RHOT2: variants seen among roughly 807,000 people sequenced by gnomAD.
RHOT2 encodes the protein ras homolog family member T2.
In RHOT2, 90 loss-of-function variants were observed where a neutral mutation model predicts 81.6. That is an observed-to-expected ratio of 1.10 (90% CI 0.93 to 1.31). The LOEUF (loss-of-function observed/expected upper bound fraction) is 1.31, where lower values mean the gene tolerates loss of function less well. Ranked by LOEUF, RHOT2 falls within the 40% of genes most tolerant of loss-of-function variation. The pLI, the probability that RHOT2 is intolerant of heterozygous loss-of-function variation, is 0.00. For missense variants in RHOT2, 1,014 were observed against 841.9 expected (o/e 1.20, Z -2.53); for synonymous variants, 512 against 370.9 (o/e 1.38, Z -4.37).
intron 11 of RHOT2, among the ~76,000 whole-genome samples, chr16:671,485 T>C (rs1488287207): frequency 6.6e-6 from 1 of 152,144 alleles, no homozygotes; most frequent in East Asian, 1.9e-4. Flanking sequence ...GCTTGGGGTG[T>C]GGCCTGTGGG....
rs762762978 is a variant in RHOT2 at position 673,141 on chromosome 16, A to G, written c.1730+11A>G. ...CATGGCCGCCTTCCCGTGGGTACCC[A>G]GTAGCGCAGCCCTGGGGACTAGCAG... On this transcript the variant is annotated intron_variant, in intron 18 of 18. Transcript: ENST00000315082. The G allele has an allele frequency of 8.7e-6, 14 of 1,609,378 alleles. No individual in the cohort carries two copies. In the African/African-American group the frequency reaches 1.3e-4, roughly 15 times the overall value.
intron 18 of RHOT2, 45 bp downstream of exon 18, chr16:673,175 A>G: frequency 6.3e-7 from 1 of 1,585,132 alleles, no homozygotes. Flanking sequence ...AGTGTCTGTC[A>G]TCCGAGCAGT....
At chr16:668,444 G>A in intron 2 of RHOT2, 33 bp downstream of exon 2, 1 of 1,568,078 alleles carries the variant, frequency 6.4e-7, no homozygotes, top group Non-Finnish European at 8.6e-7. Context: ...GGGTGGGAGC[G>A]GGCCCAGCCG....
At position 670,767 on chromosome 16, in the gene RHOT2, T is replaced by G; in HGVS notation, c.633T>G (p.Ala211=). The G allele has an allele frequency of 6.2e-7, 1 of 1,611,970 alleles. No individual in the cohort carries two copies. Among genetic ancestry groups the G allele is most frequent in the Non-Finnish European group, 8.5e-7 (1 of 1,179,826 alleles). ...DQALSDEELN[A]FQKSCFGHPL... ...CGCTCAGTGACGAAGAGCTCAACGCTTTCCAGGTGTGCCCCTGCCCCACCC... is the reference window on the plus strand; with the variant it reads ...CGCTCAGTGACGAAGAGCTCAACGCGTTCCAGGTGTGCCCCTGCCCCACCC... The change falls in exon 9 of 19, where the codon GCT becomes GCG. Residue 211 remains alanine (A), a synonymous_variant. Coordinates refer to ENST00000315082, the MANE Select transcript of RHOT2 (RefSeq NM_138769.3).
At chr16:668,127 G>C (rs1184583547), upstream of RHOT2, 3 of 418,762 alleles carry the variant, frequency 7.2e-6, no homozygotes, top group South Asian at 8.7e-5. Flanking sequence ...GGCGGGCGCG[G>C]GGGCAGAGCG....
At position 673,838 on chromosome 16, in the gene RHOT2, C is replaced by A. The variant is rs1045729; in HGVS notation, c.*232C>A. ...GCCGTGGCAGGTGGCTGAGCAGGAG[C>A]TCCCAAGTGCCGGCCACCGCTGTCA... On this transcript the variant is annotated 3_prime_UTR_variant, in exon 19 of 19. Transcript: ENST00000315082. The A allele has an allele frequency of 0.031, 19,446 of 624,810 alleles. 424 individuals carry two copies. Among genetic ancestry groups the A allele is most frequent in the South Asian group, 0.052 (2,872 of 55,150 alleles). 38.7% of individuals were successfully genotyped at this position (624,810 alleles called of 1,614,324 possible).
chr16:669,539 C>A lies in RHOT2; in HGVS notation c.223-14C>A. ...AGCAGCCCTGTCACCCACACCTCAT[C>A]ACTGTTCCCTCAGGCAAACGTGGTG... On this transcript the variant is annotated splice_polypyrimidine_tract_variant and intron_variant, in intron 4 of 18. Transcript: ENST00000315082. 6.2e-7 allele frequency: 1 copy of A among 1,611,220 alleles called. No individual in the cohort carries two copies. The highest frequency in any genetic ancestry group is 1.1e-5 in the South Asian group (1 of 90,814).
Position 672,397 on chromosome 16 carries a change from G to A in RHOT2, c.1326+13G>A. ...CCGCGGCCTGGGGGTAAGCACCCTA[G>A]ACTCCCCCACCACCCCAGGGGCTCC... On this transcript the variant is annotated intron_variant, in intron 15 of 18. Transcript: ENST00000315082. The A allele has an allele frequency of 6.2e-7, 1 of 1,608,338 alleles. No individual in the cohort carries two copies. The highest frequency in any genetic ancestry group is 8.5e-7 in the Non-Finnish European group (1 of 1,177,300).
intron 11 of RHOT2, 177 bp downstream of exon 11, chr16:671,380 C>A (rs765007812): frequency 2.6e-4 from 214 of 833,936 alleles, no homozygotes; most frequent in Non-Finnish European, 3.2e-4. Context: ...TGCCCTGAAC[C>A]CCTCAGCATC....
Position 672,295 on chromosome 16 carries a change from C to A in RHOT2, c.1237C>A (p.Gln413Lys). 1.2e-6 allele frequency: 2 copies of A among 1,612,308 alleles called. No homozygotes were observed. Among genetic ancestry groups the A allele is most frequent in the Non-Finnish European group, 1.7e-6 (2 of 1,179,676 alleles). Residue 413 changes from glutamine to lysine, a missense_variant, in exon 15 of 19, where the codon CAG (glutamine) becomes AAG (lysine). Transcript: ENST00000315082. Reference protein sequence around the residue: ...KRLDQEKGQTQRSVLLCKVVG... With the variant: ...KRLDQEKGQTKRSVLLCKVVG... ...GCTGGACCAGGAGAAGGGACAGACGCAGCGGAGCGTCCTCCTGTGCAAGGT... is the reference window on the plus strand; with the variant it reads ...GCTGGACCAGGAGAAGGGACAGACGAAGCGGAGCGTCCTCCTGTGCAAGGT...
intron 1 of RHOT2, 34 bp from the exon 2 acceptor site, chr16:668,319 T>A: frequency 4.6e-6 from 6 of 1,292,916 alleles, no homozygotes; most frequent in Non-Finnish European, 3.9e-6. Context: ...CGCCGTGACC[T>A]TGGCCCTCGC....
In RHOT2 at chr16:668,493, T is replaced by A. The variant is rs748989697; in HGVS notation, c.102T>A (p.Pro34=). The A allele has an allele frequency of 6.2e-7, 1 of 1,605,028 alleles. No homozygotes were observed. Among genetic ancestry groups the A allele is most frequent in the Non-Finnish European group, 8.5e-7 (1 of 1,176,680 alleles). ...LVGEEFPEEV[P]PRAEEITIPA... is the part of the protein sequence containing the mutation. ...AGCGCGCGGGTCCCTTGCAGGTCCC[T>A]CCCCGCGCGGAGGAGATCACCATCC... The change falls in exon 3 of 19, where the codon CCT becomes CCA. Residue 34 remains proline, a synonymous_variant. Transcript: ENST00000315082.
In RHOT2 at chr16:673,839, T is replaced by A; in HGVS notation, c.*233T>A. 1 of 624,460 alleles carries A rather than the reference T, an allele frequency of 1.6e-6. No homozygotes were observed. The allele number at this position is 624,460 out of a possible 1,614,324, so 38.7% of individuals were successfully genotyped here. A position where few individuals can be genotyped will look rare whatever the true frequency, so the allele number is the denominator to read the frequency against. On this transcript the variant is annotated 3_prime_UTR_variant, in exon 19 of 19. Coordinates refer to ENST00000315082, the MANE Select transcript of RHOT2 (RefSeq NM_138769.3). ...CCGTGGCAGGTGGCTGAGCAGGAGC[T>A]CCCAAGTGCCGGCCACCGCTGTCAG...
Position 670,356 on chromosome 16 carries a change from A to C in RHOT2, c.437A>C (p.Glu146Ala). The C allele has an allele frequency of 6.2e-7, 1 of 1,612,514 alleles. No individual in the cohort carries two copies. Among genetic ancestry groups the C allele is most frequent in the Non-Finnish European group, 8.5e-7 (1 of 1,179,680 alleles). Residue 146 changes from glutamate to alanine, a missense_variant and splice_region_variant, in exon 7 of 19, where the codon GAG becomes GCG. Glu to Ala is a moderately radical substitution (Grantham distance 107, BLOSUM62 -1). Coordinates refer to ENST00000315082, the MANE Select transcript of RHOT2 (RefSeq NM_138769.3). ...TTTCCCGAGATTGAGACCTGCGTGG[A>C]GGTGAGTAGGTCCCAGGCAGGGCCG... The part of the protein sequence containing the change: ...SQFPEIETCV[E>A]CSAKNLRNIS...
At chr16:668,823 G>T in intron 4 of RHOT2, 124 bp downstream of exon 4, 1 of 1,071,628 alleles carries the variant, frequency 9.3e-7, no homozygotes, top group South Asian at 1.6e-5. Context: ...TGTGACCTCC[G>T]CACTGAGGGT....
intron 4 of RHOT2, 98 bp downstream of exon 4, chr16:668,797 T>C (rs2038382875): frequency 1.5e-6 from 2 of 1,313,500 alleles, no homozygotes; most frequent in Non-Finnish European, 2.1e-6. Flanking sequence ...CCGGGTGTCC[T>C]TGGCCCTGAT....
At position 670,564 on chromosome 16, in the gene RHOT2, A is replaced by G; in HGVS notation, c.540+7A>G. 1.2e-6 allele frequency: 2 copies of G among 1,600,952 alleles called. No individual in the cohort carries two copies. The highest frequency in any genetic ancestry group is 1.7e-6 in the Non-Finnish European group (2 of 1,173,190). ...TGACCCTGAGGCCAAGCAGGTGAGC[A>G]TCGGCTGGGGCCCCGCACGCTGGTT... On this transcript the variant is annotated splice_region_variant and intron_variant, in intron 8 of 18. Coordinates refer to ENST00000315082, the MANE Select transcript of RHOT2 (RefSeq NM_138769.3).
chr16:672,847 G>T, intron 17 of RHOT2, 22 bp downstream of exon 17: 2 of 1,612,510 alleles, frequency 1.2e-6, no homozygotes, highest in South Asian at 2.2e-5. Context: ...CAGGGGCCAC[G>T]TGGCCATGGG....
Position 668,490 on chromosome 16 carries a change from C to A in RHOT2, c.99C>A (p.Val33=). 1 of 1,604,794 alleles carries A rather than the reference C, an allele frequency of 6.2e-7. No individual in the cohort carries two copies. The highest frequency in any genetic ancestry group is 8.5e-7 in the Non-Finnish European group (1 of 1,176,584). The change falls in exon 3 of 19, where the codon GTC becomes GTA. Residue 33 remains valine, a splice_region_variant and synonymous_variant. Transcript: ENST00000315082. The part of the protein sequence containing the change: ...SLVGEEFPEE[V]PPRAEEITIP... ...GTGAGCGCGCGGGTCCCTTGCAGGTCCCTCCCCGCGCGGAGGAGATCACCA... is the reference window on the plus strand; with the variant it reads ...GTGAGCGCGCGGGTCCCTTGCAGGTACCTCCCCGCGCGGAGGAGATCACCA...
Sources: allele counts gnomAD v4.1 joint callset (sites outside exome capture counted in the v4.1 genomes callset), GRCh38; gene constraint gnomAD v4.1.1; transcripts MANE v1.5; gene names NCBI Gene and HGNC (gene_info 2026-07-23, HGNC 2026-07-21).